The following CSMD1 variants were observed in gnomAD, a reference collection of about 807,000 sequenced individuals.
CSMD1 encodes the protein CUB and Sushi multiple domains 1.
Under a neutral mutation model 417.5 loss-of-function variants are expected in CSMD1, and 213 were observed. The ratio of observed to expected loss-of-function variants is 0.51; its 90% CI spans 0.46 to 0.57. CSMD1 has a LOEUF of 0.57. CSMD1 is among the 20% of genes least tolerant of loss of function. The probability of loss-of-function intolerance (pLI) is 0.00; values close to 1 mark genes in which losing one functional copy is unlikely to be tolerated. For synonymous variants in CSMD1, 2,862 were observed against 1,736.8 expected, an observed-to-expected ratio of 1.65 and a Z score of -16.11; for missense variants, 6,923 against 4,529.7, an observed-to-expected ratio of 1.53 and a Z score of -15.17.
At chr8:4,166,739 C>G (rs1019306600) in intron 3 of CSMD1, among the ~76,000 whole-genome samples, 19 of 152,012 alleles carry the variant, frequency 1.2e-4, no homozygotes, top group Non-Finnish European at 2.6e-4. Context: ...CCACCTATTG[C>G]CCCAAAACTA....
chr8:4,893,304 T>C (rs1450681855), intron 1 of CSMD1, among the ~76,000 whole-genome samples: 1 of 152,166 alleles, frequency 6.6e-6, no homozygotes, highest in Non-Finnish European at 1.5e-5. Flanking sequence ...TCCTTATATA[T>C]TCTGTAGAGT....
chr8:4,696,038 C>A (rs1218655077), intron 1 of CSMD1, among the ~76,000 whole-genome samples: 1 of 152,198 alleles, frequency 6.6e-6, no homozygotes, highest in Non-Finnish European at 1.5e-5. Context: ...GAGGAACTTA[C>A]AGAATCTCTA....
intron 3 of CSMD1, among the ~76,000 whole-genome samples, chr8:4,086,611 A>C (rs1279889645): frequency 6.6e-6 from 1 of 152,162 alleles, no homozygotes; most frequent in Non-Finnish European, 1.5e-5. Context: ...AATAAAGTAC[A>C]ATGCAGACGC....
At position 3,110,228 on chromosome 8, in the gene CSMD1, G is replaced by T; in HGVS notation, c.6538C>A (p.Pro2180Thr). ...KDCIWLITVP[P>T]GHGVYINFTL... ...AAGTTGATGTAAACTCCGTGCCCTG[G>T]AGGCACCGTGATGAGCCAAATGCAG... The change falls in exon 43 of 70, where the codon CCA becomes ACA. Residue 2180 changes from proline to threonine, a missense_variant. Pro to Thr is a conservative substitution (Grantham distance 38). Transcript: ENST00000635120. The T allele has an allele frequency of 6.2e-7, 1 of 1,613,156 alleles. No individual in the cohort carries two copies. The highest frequency in any genetic ancestry group is 8.5e-7 in the Non-Finnish European group (1 of 1,179,572).
intron 1 of CSMD1, among the ~76,000 whole-genome samples, chr8:4,954,692 G>T (rs923615219): frequency 6.6e-6 from 1 of 152,046 alleles, no homozygotes; most frequent in East Asian, 1.9e-4. Context: ...TTCCTTATAA[G>T]CTATCATAAA....
At chr8:4,613,507 C>T (rs976643261) in intron 2 of CSMD1, among the ~76,000 whole-genome samples, 4 of 152,208 alleles carry the variant, frequency 2.6e-5, no homozygotes, top group African/African-American at 9.7e-5. Context: ...ACTAGTGTGG[C>T]AGGCTCTCAT....
intron 29 of CSMD1, among the ~76,000 whole-genome samples, chr8:3,214,997 C>G (rs1037144725): frequency 4.6e-5 from 7 of 152,112 alleles, no homozygotes; most frequent in African/African-American, 1.7e-4. Flanking sequence ...ATATATTTAT[C>G]CATTTTTGGC....
chr8:3,984,090 C>T lies in CSMD1; in HGVS notation c.818+13813G>A, dbSNP rs200843970. ...GCTCTAGAGCACACCACAGATCTAA[C>T]AGGGCTGTCAATAGCAACTCTAGAG... On this transcript the variant is annotated intron_variant, in intron 5 of 69. Transcript: ENST00000635120. 9.3e-4 allele frequency among the ~76,000 whole-genome samples: 21 copies of T among 22,558 alleles called. 1 individual carries two copies. In the East Asian group the frequency reaches 0.023, roughly 24 times the overall value. The allele number at this position is 22,558 out of a possible 152,430, so 14.8% of individuals were successfully genotyped here.
intron 3 of CSMD1, among the ~76,000 whole-genome samples, chr8:4,115,469 T>A (rs78990255): frequency 0.015 from 2,268 of 152,330 alleles, 62 homozygotes; most frequent in African/African-American, 0.051. Context: ...TTTTTATATA[T>A]AATGCTTTAG....
intron 2 of CSMD1, among the ~76,000 whole-genome samples, chr8:4,600,134 T>C (rs750585990): frequency 6.6e-6 from 1 of 152,106 alleles, no homozygotes; most frequent in Non-Finnish European, 1.5e-5. Flanking sequence ...CAGCACTTAT[T>C]GCCTAGCTGG....
chr8:3,057,294 A>G (rs1470630478), intron 49 of CSMD1, among the ~76,000 whole-genome samples: 2 of 152,170 alleles, frequency 1.3e-5, no homozygotes, highest in African/African-American at 4.8e-5. Flanking sequence ...TTAAATATGC[A>G]TTTAACTTGC....
At chr8:3,404,575 G>C (rs944859651) in intron 15 of CSMD1, among the ~76,000 whole-genome samples, 3 of 152,028 alleles carry the variant, frequency 2.0e-5, no homozygotes, top group African/African-American at 7.2e-5. Flanking sequence ...ATTCTCAACT[G>C]TTTATGATAT....
intron 5 of CSMD1, among the ~76,000 whole-genome samples, chr8:3,995,384 A>T (rs970154967): frequency 6.9e-6 from 1 of 145,324 alleles, no homozygotes; most frequent in African/African-American, 2.4e-5. Context: ...TACACACAAA[A>T]CACTCTGTTG....
chr8:3,139,572 G>C (rs571049414), intron 41 of CSMD1, among the ~76,000 whole-genome samples: 3 of 152,140 alleles, frequency 2.0e-5, no homozygotes, highest in Admixed American at 6.5e-5. Context: ...TAAATAGATA[G>C]GAGAAGTGAA....
At chr8:4,375,795 C>G (rs1169195065) in intron 3 of CSMD1, among the ~76,000 whole-genome samples, 2 of 152,174 alleles carry the variant, frequency 1.3e-5, no homozygotes, top group African/African-American at 2.4e-5. Flanking sequence ...TCAAACCATC[C>G]TCATACATTT....
chr8:3,733,390 TGG>T (rs1796369015), intron 6 of CSMD1, among the ~76,000 whole-genome samples: 1 of 149,330 alleles, frequency 6.7e-6, no homozygotes, highest in Non-Finnish European at 1.5e-5. Flanking sequence ...ATATATTATC[TGG>T]ATTAGATGAT....
At chr8:4,711,010 T>C (rs904881854) in intron 1 of CSMD1, among the ~76,000 whole-genome samples, 1 of 152,108 alleles carries the variant, frequency 6.6e-6, no homozygotes, top group African/African-American at 2.4e-5. Context: ...GACGGACAGA[T>C]GTGCCCAGGC....
chr8:4,700,526 TAGAG>T (rs1274351540), intron 1 of CSMD1, among the ~76,000 whole-genome samples: 1 of 152,074 alleles, frequency 6.6e-6, no homozygotes, highest in Non-Finnish European at 1.5e-5. Flanking sequence ...AGGTGTCTAA[TAGAG>T]AGACAAGATA....
chr8:3,093,469 C>A (rs1365919961), intron 47 of CSMD1, among the ~76,000 whole-genome samples: 1 of 152,086 alleles, frequency 6.6e-6, no homozygotes, highest in African/African-American at 2.4e-5. Flanking sequence ...AAGTTTGAGA[C>A]CAGCCTGGCC....
Sources: allele counts gnomAD v4.1 joint callset (sites outside exome capture counted in the v4.1 genomes callset), GRCh38; gene constraint gnomAD v4.1.1; transcripts MANE v1.5; gene names NCBI Gene and HGNC (gene_info 2026-07-23, HGNC 2026-07-21).